The following MAPK10 variants were observed in gnomAD, a reference collection of about 807,000 sequenced individuals.
MAPK10 encodes the protein JNK3 alpha protein kinase.
MAPK10 carries 25 observed loss-of-function variants against 59.3 expected under a neutral mutation model. The ratio of observed to expected loss-of-function variants is 0.42; its 90% CI spans 0.31 to 0.59. MAPK10 has a LOEUF of 0.59. Among genes scored for constraint, MAPK10 ranks in the 20% least tolerant of loss-of-function variants. The pLI, the probability that MAPK10 is intolerant of heterozygous loss-of-function variation, is 0.15. For synonymous variants in MAPK10, 190 were observed against 200.5 expected (o/e 0.95, Z 0.44); for missense variants, 351 against 568.9 (o/e 0.62, Z 3.90).
intron 1 of MAPK10, among the ~76,000 whole-genome samples, chr4:86,415,652 G>C (rs545679548): frequency 1.2e-3 from 186 of 152,258 alleles, no homozygotes; most frequent in African/African-American, 4.4e-3. Context: ...TTGATATCTG[G>C]AATTAGCTAG....
At chr4:86,547,616 A>T (rs567580244) in intron 1 of MAPK10, among the ~76,000 whole-genome samples, 3 of 152,142 alleles carry the variant, frequency 2.0e-5, no homozygotes, top group African/African-American at 7.2e-5. Flanking sequence ...AGTCCCATTG[A>T]CCACCCAAGG....
chr4:86,074,255 C>T (rs1356323949), intron 9 of MAPK10, among the ~76,000 whole-genome samples: 94 of 142,480 alleles, frequency 6.6e-4, no homozygotes, highest in African/African-American at 2.5e-3. Context: ...GGTAGATCTT[C>T]CTCCATCCTT....
At chr4:86,527,629 C>T (rs370140429) in intron 1 of MAPK10, among the ~76,000 whole-genome samples, 16 of 152,158 alleles carry the variant, frequency 1.1e-4, no homozygotes, top group African/African-American at 3.9e-4. Context: ...TAAAACAGAA[C>T]TACTATTCGA....
At chr4:86,370,853 A>G (rs1738652385) in intron 1 of MAPK10, 1 of 152,218 alleles carries the variant, frequency 6.6e-6, no homozygotes, top group African/African-American at 2.4e-5. Context: ...TCTAGATCAC[A>G]TGATAATTAT....
chr4:86,153,890 G>A (rs1362193012), intron 4 of MAPK10, among the ~76,000 whole-genome samples: 1 of 152,114 alleles, frequency 6.6e-6, no homozygotes, highest in Admixed American at 6.6e-5. Flanking sequence ...CTTATTTCAA[G>A]GAGGTTGCGA....
At chr4:86,574,616 T>C (rs1761734842) in intron 1 of MAPK10, among the ~76,000 whole-genome samples, 1 of 152,212 alleles carries the variant, frequency 6.6e-6, no homozygotes, top group Non-Finnish European at 1.5e-5. Context: ...TGTGAGATGG[T>C]ATCTCATTGT....
intron 2 of MAPK10, among the ~76,000 whole-genome samples, chr4:86,207,777 G>A (rs2084538090): frequency 6.6e-6 from 1 of 152,020 alleles, no homozygotes; most frequent in Non-Finnish European, 1.5e-5. Context: ...CTTGTAAGTT[G>A]GATTCCTAGG....
intron 2 of MAPK10, among the ~76,000 whole-genome samples, chr4:86,210,984 G>A (rs1488584023): frequency 6.6e-6 from 1 of 151,792 alleles, no homozygotes; most frequent in Non-Finnish European, 1.5e-5. Flanking sequence ...GATTTGAGCA[G>A]CAGAGTAAAG....
chr4:86,524,632 T>C (rs559998586), intron 1 of MAPK10, among the ~76,000 whole-genome samples: 1 of 152,334 alleles, frequency 6.6e-6, no homozygotes, highest in African/African-American at 2.4e-5. Flanking sequence ...TTGTTAAATC[T>C]GGCAGCTTTG....
intron 1 of MAPK10, among the ~76,000 whole-genome samples, chr4:86,490,021 AAC>A (rs1754339560): frequency 6.6e-6 from 1 of 152,148 alleles, no homozygotes; most frequent in Admixed American, 6.5e-5. Flanking sequence ...ACATTAGCAA[AAC>A]ACAAAATATT....
chr4:86,163,391 A>G (rs1350763107), intron 3 of MAPK10, among the ~76,000 whole-genome samples: 1 of 152,120 alleles, frequency 6.6e-6, no homozygotes, highest in African/African-American at 2.4e-5. Flanking sequence ...TTTTTTCTTT[A>G]TAAAATGTGC....
chr4:86,179,406 A>G (rs1454617146), intron 3 of MAPK10, among the ~76,000 whole-genome samples: 1 of 152,134 alleles, frequency 6.6e-6, no homozygotes, highest in African/African-American at 2.4e-5. Context: ...AGAAGAATTA[A>G]TATTGTTAAA....
upstream of MAPK10, among the ~76,000 whole-genome samples, chr4:86,457,003 A>G (rs1011918316): frequency 1.3e-5 from 2 of 152,314 alleles, no homozygotes; most frequent in Admixed American, 1.3e-4. Context: ...ATGGTTTAAC[A>G]TACATAAGTC....
At chr4:86,069,495 G>C (rs2047373518) in intron 9 of MAPK10, among the ~76,000 whole-genome samples, 1 of 151,976 alleles carries the variant, frequency 6.6e-6, no homozygotes, top group Non-Finnish European at 1.5e-5. Context: ...TAGAAATAAT[G>C]AAACTAAAAC....
intron 2 of MAPK10, among the ~76,000 whole-genome samples, chr4:86,210,699 A>G (rs1282480764): frequency 6.6e-6 from 1 of 151,822 alleles, no homozygotes; most frequent in Non-Finnish European, 1.5e-5. Flanking sequence ...GTCATACAAA[A>G]AAAAGGGAAG....
At chr4:86,070,400 T>C (rs2047626990) in intron 9 of MAPK10, among the ~76,000 whole-genome samples, 1 of 152,082 alleles carries the variant, frequency 6.6e-6, no homozygotes, top group African/African-American at 2.4e-5. Context: ...TTTTTCTTTT[T>C]TTTATTATAC....
chr4:86,509,389 G>A (rs1177113342), intron 1 of MAPK10, among the ~76,000 whole-genome samples: 13 of 150,860 alleles, frequency 8.6e-5, no homozygotes, highest in African/African-American at 2.7e-4. Flanking sequence ...TGAACTTAGC[G>A]CAATAATACA....
At chr4:86,308,254 C>T (rs2095606352) in intron 2 of MAPK10, among the ~76,000 whole-genome samples, 1 of 152,086 alleles carries the variant, frequency 6.6e-6, no homozygotes, top group African/African-American at 2.4e-5. Flanking sequence ...TTATACATCT[C>T]TTAATACCTT....
intron 2 of MAPK10, among the ~76,000 whole-genome samples, chr4:86,261,718 T>C (rs1306077304): frequency 6.6e-6 from 1 of 152,228 alleles, no homozygotes; most frequent in Non-Finnish European, 1.5e-5. Context: ...CATGCCTTTT[T>C]CAGAGACCAC....
Sources: gnomAD v4.1 joint callset for allele counts (sites outside exome capture counted in the v4.1 genomes callset) on GRCh38, gnomAD v4.1.1 for gene constraint, MANE v1.5 for transcripts, NCBI Gene and HGNC (gene_info 2026-07-23, HGNC 2026-07-21) for gene names.